The following AGBL4 variants were observed in gnomAD, a reference collection of about 807,000 sequenced individuals.
AGBL4 encodes the protein cytosolic carboxypeptidase 6.
AGBL4 carries 58 observed loss-of-function variants against 66.4 expected under a neutral mutation model. The observed-to-expected ratio is 0.87, with a 90% CI of 0.71 to 1.09. The LOEUF is 1.09. Ranked by LOEUF, AGBL4 falls within the 50% of genes least tolerant of loss-of-function variation. The probability of loss-of-function intolerance (pLI) is 0.00; values close to 1 mark genes in which losing one functional copy is unlikely to be tolerated. For missense variants in AGBL4, 579 were observed against 631.0 expected (o/e 0.92, Z 0.88); for synonymous variants, 234 against 222.9 (o/e 1.05, Z -0.44).
At chr1:48,648,878 A>G (rs1323128938) in intron 8 of AGBL4, among the ~76,000 whole-genome samples, 1 of 152,182 alleles carries the variant, frequency 6.6e-6, no homozygotes, top group Non-Finnish European at 1.5e-5. Context: ...AGCTAAAACA[A>G]CTGGGCCAGG....
intron 6 of AGBL4, among the ~76,000 whole-genome samples, chr1:48,723,545 T>C (rs532428839): frequency 4.6e-5 from 7 of 152,314 alleles, no homozygotes; most frequent in Admixed American, 2.6e-4. Context: ...AGGCGAAAAT[T>C]ATATGCCCAA....
At chr1:49,271,427 T>A (rs903817682) in intron 3 of AGBL4, among the ~76,000 whole-genome samples, 5 of 151,966 alleles carry the variant, frequency 3.3e-5, no homozygotes, top group African/African-American at 1.2e-4. Context: ...CAGCTGTTTG[T>A]CCTGGCTAAA....
chr1:48,858,393 G>A (rs1376293901), intron 6 of AGBL4, among the ~76,000 whole-genome samples: 1 of 152,130 alleles, frequency 6.6e-6, no homozygotes, highest in African/African-American at 2.4e-5. Context: ...GTTCATAGCA[G>A]ATTATTCGTA....
intron 4 of AGBL4, among the ~76,000 whole-genome samples, chr1:49,221,064 T>A (rs2148276707): frequency 6.6e-6 from 1 of 152,214 alleles, no homozygotes; most frequent in South Asian, 2.1e-4. Context: ...AGGTGCTCAG[T>A]AAATTAAAGC....
chr1:49,063,574 T>G (rs1644439797), intron 4 of AGBL4, among the ~76,000 whole-genome samples: 1 of 152,176 alleles, frequency 6.6e-6, no homozygotes, highest in Admixed American at 6.6e-5. Flanking sequence ...ATGCTAAAGA[T>G]AAATTAGTTT....
At chr1:49,818,012 T>TA (rs1645274072) in intron 2 of AGBL4, among the ~76,000 whole-genome samples, 1 of 152,158 alleles carries the variant, frequency 6.6e-6, no homozygotes, top group South Asian at 2.1e-4. Flanking sequence ...ATATAAAACT[T>TA]AGAAAAAAAT....
intron 3 of AGBL4, among the ~76,000 whole-genome samples, chr1:49,355,016 C>G (rs1189775541): frequency 6.6e-6 from 1 of 152,074 alleles, no homozygotes; most frequent in Non-Finnish European, 1.5e-5. Flanking sequence ...GACAATTAAC[C>G]TTATGTGCAC....
At position 49,780,418 on chromosome 1, in the gene AGBL4, A is replaced by G. The variant is rs542181457; in HGVS notation, c.157+70978T>C. 2.6e-5 allele frequency among the ~76,000 whole-genome samples: 4 copies of G among 152,272 alleles called. No individual in the cohort carries two copies. The South Asian group carries it at 8.3e-4, about 32-fold the overall frequency. On this transcript the variant is annotated intron_variant, in intron 2 of 13. Coordinates refer to ENST00000371839, the MANE Select transcript of AGBL4 (RefSeq NM_032785.4). ...ACTCAAATCCACAAAAATAATTAAA[A>G]GAACTAGAAATAATAAATAAGATTC...
intron 3 of AGBL4, among the ~76,000 whole-genome samples, chr1:49,662,289 TAA>T (rs1646285060): frequency 6.6e-6 from 1 of 151,696 alleles, no homozygotes; most frequent in Non-Finnish European, 1.5e-5. Context: ...TTATACACTT[TAA>T]ATATGTGTAG....
chr1:49,783,654 CAA>C (rs1644386767), intron 2 of AGBL4, among the ~76,000 whole-genome samples: 1 of 151,610 alleles, frequency 6.6e-6, no homozygotes, highest in Non-Finnish European at 1.5e-5. Context: ...CTAACCAGGG[CAA>C]ATAGGCAAGA....
chr1:49,108,150 G>T (rs1172485034), intron 4 of AGBL4, among the ~76,000 whole-genome samples: 1 of 152,092 alleles, frequency 6.6e-6, no homozygotes, highest in African/African-American at 2.4e-5. Context: ...GGGCAGACAG[G>T]CCATTCCATA....
At chr1:48,946,937 C>T (rs1400391029) in intron 5 of AGBL4, among the ~76,000 whole-genome samples, 1 of 152,202 alleles carries the variant, frequency 6.6e-6, no homozygotes, top group Non-Finnish European at 1.5e-5. Context: ...CCTAAGGGCA[C>T]ACCTGAGGTA....
intron 3 of AGBL4, among the ~76,000 whole-genome samples, chr1:49,540,643 A>AAT (rs1050673290): frequency 1.1e-4 from 16 of 152,218 alleles, no homozygotes; most frequent in Non-Finnish European, 1.5e-4. Flanking sequence ...GGTTATAGAA[A>AAT]ATATATATAT....
At chr1:48,999,793 T>G (rs1661271849) in intron 5 of AGBL4, among the ~76,000 whole-genome samples, 1 of 152,088 alleles carries the variant, frequency 6.6e-6, no homozygotes, top group Non-Finnish European at 1.5e-5. Flanking sequence ...TCCCTGAATC[T>G]CCACTATTTT....
intron 3 of AGBL4, among the ~76,000 whole-genome samples, chr1:49,635,963 A>G (rs1645663066): frequency 6.6e-6 from 1 of 152,194 alleles, no homozygotes; most frequent in Non-Finnish European, 1.5e-5. Flanking sequence ...GATACCTCCA[A>G]AATGATAAAA....
intron 3 of AGBL4, among the ~76,000 whole-genome samples, chr1:49,439,102 C>A (rs1332945960): frequency 6.6e-6 from 1 of 152,186 alleles, no homozygotes; most frequent in African/African-American, 2.4e-5. Flanking sequence ...CACACCAGTG[C>A]AGGTTGATGA....
At chr1:49,522,587 T>C (rs1027948113) in intron 3 of AGBL4, among the ~76,000 whole-genome samples, 1 of 152,172 alleles carries the variant, frequency 6.6e-6, no homozygotes, top group African/African-American at 2.4e-5. Context: ...AGATTCTCAA[T>C]AAATATTTGT....
At chr1:49,917,014 C>G (rs181300972) in intron 1 of AGBL4, among the ~76,000 whole-genome samples, 21 of 152,190 alleles carry the variant, frequency 1.4e-4, no homozygotes, top group African/African-American at 4.1e-4. Context: ...GAAATAAAAT[C>G]CTTTACAGAC....
intron 3 of AGBL4, among the ~76,000 whole-genome samples, chr1:49,672,437 A>T (rs1000939756): frequency 5.9e-5 from 9 of 152,140 alleles, no homozygotes; most frequent in Non-Finnish European, 1.0e-4. Context: ...TGACAAACCC[A>T]TGTGACATGT....
Sources: gnomAD v4.1 joint callset for allele counts (sites outside exome capture counted in the v4.1 genomes callset) on GRCh38, gnomAD v4.1.1 for gene constraint, MANE v1.5 for transcripts, NCBI Gene and HGNC (gene_info 2026-07-23, HGNC 2026-07-21) for gene names.